Variants in FUT8 observed in about 807,000 individuals in gnomAD.
The protein encoded by FUT8 is alpha-(1,6)-fucosyltransferase.
A neutral mutation model predicts 71.3 loss-of-function variants in FUT8; 29 were observed. The ratio of observed to expected loss-of-function variants is 0.41; its 90% CI spans 0.30 to 0.55. The LOEUF is 0.55. Ranked by LOEUF, FUT8 falls within the 20% of genes least tolerant of loss-of-function variation. The probability of loss-of-function intolerance (pLI) is 0.34; values close to 1 mark genes in which losing one functional copy is unlikely to be tolerated. For synonymous variants in FUT8, 254 were observed against 239.3 expected, an observed-to-expected ratio of 1.06 and a Z score of -0.57; for missense variants, 544 against 702.1, an observed-to-expected ratio of 0.77 and a Z score of 2.55.
chr14:65,393,394 G>A, the FUT8 span, among the ~76,000 whole-genome samples: 1 of 152,222 alleles, frequency 6.6e-6, no homozygotes, highest in East Asian at 1.9e-4. Context: ...TGTAGACTAG[G>A]AGGATGTGAG....
At chr14:65,722,229 T>A (rs1895456293) in intron 8 of FUT8, among the ~76,000 whole-genome samples, 1 of 152,188 alleles carries the variant, frequency 6.6e-6, no homozygotes, top group African/African-American at 2.4e-5. Context: ...TTAGTAGTGC[T>A]CTATTACTGT....
chr14:65,492,250 G>C (rs1237632404), intron 2 of FUT8, among the ~76,000 whole-genome samples: 1 of 152,158 alleles, frequency 6.6e-6, no homozygotes, highest in Non-Finnish European at 1.5e-5. Flanking sequence ...GTTAAATCAA[G>C]TTTAGCCGAA....
rs576450728 is a variant in FUT8 at position 65,742,042 on chromosome 14, G to A, written c.1411-51G>A. 5.4e-6 allele frequency: 8 copies of A among 1,487,576 alleles called. No homozygotes were observed. In the South Asian group the frequency reaches 7.5e-5, roughly 14 times the overall value. 92.1% of individuals were successfully genotyped at this position (1,487,576 alleles called of 1,614,324 possible). A position where few individuals can be genotyped will look rare whatever the true frequency, so the allele number is the denominator to read the frequency against. ...TTTGGCCAAGGGCTTTTAGATTGCT[G>A]TGAAGGAGAGTGTTTATATACTAAC... On this transcript the variant is annotated intron_variant, in intron 10 of 10. Coordinates refer to ENST00000673929, the MANE Select transcript of FUT8 (RefSeq NM_001371533.1).
intron 2 of FUT8, among the ~76,000 whole-genome samples, chr14:65,491,396 G>A (rs367572003): frequency 3.9e-5 from 6 of 152,218 alleles, no homozygotes. Context: ...TTGAATGTCA[G>A]CTAATGTTGA....
At chr14:65,503,843 A>T (rs993664372) in intron 2 of FUT8, among the ~76,000 whole-genome samples, 8 of 152,226 alleles carry the variant, frequency 5.3e-5, no homozygotes, top group Admixed American at 3.3e-4. Flanking sequence ...GGGGATTCCT[A>T]CAGATGGGTG....
intron 6 of FUT8, among the ~76,000 whole-genome samples, chr14:65,658,191 CAAAT>C (rs1412927049): frequency 2.6e-5 from 4 of 151,868 alleles, no homozygotes; most frequent in Admixed American, 6.6e-5. Flanking sequence ...ATACAGATGA[CAAAT>C]AAGCACATGA....
the FUT8 span, among the ~76,000 whole-genome samples, chr14:65,386,369 T>G: frequency 6.6e-6 from 1 of 151,268 alleles, no homozygotes; most frequent in African/African-American, 2.4e-5. Context: ...CTGGGCATGG[T>G]GGTGTGCGCC....
intron 3 of FUT8, among the ~76,000 whole-genome samples, chr14:65,586,087 A>C (rs1887363511): frequency 6.6e-6 from 1 of 152,242 alleles, no homozygotes; most frequent in Non-Finnish European, 1.5e-5. Flanking sequence ...TCAAAATAAT[A>C]AAGACACTTT....
intron 2 of FUT8, among the ~76,000 whole-genome samples, chr14:65,515,054 A>T (rs577961333): frequency 1.4e-4 from 22 of 152,204 alleles, no homozygotes; most frequent in African/African-American, 5.3e-4. Context: ...GTCTTTCCAA[A>T]CCTCATTTTT....
Position 65,677,162 on chromosome 14 carries a change from A to ACG in FUT8, c.835+7682_835+7683insCG, listed in dbSNP as rs1555383298. 2.1e-3 allele frequency among the ~76,000 whole-genome samples: 57 copies of ACG among 27,246 alleles called. 1 individual carries two copies. The highest frequency in any genetic ancestry group is 0.014 in the Middle Eastern group (1 of 72). The allele number at this position is 27,246 out of a possible 152,430, so 17.9% of individuals were successfully genotyped here. ...TGTGTGTGTGTGTGTGCGCGCGCGC[A>ACG]TGCGCGCGCACGTATGTGTGTGCGC... On this transcript the variant is annotated intron_variant, in intron 7 of 10. Transcript: ENST00000673929.
intron 2 of FUT8, among the ~76,000 whole-genome samples, chr14:65,519,965 G>T (rs1049783371): frequency 6.6e-5 from 10 of 152,110 alleles, no homozygotes; most frequent in Non-Finnish European, 1.5e-4. Context: ...TTTTTGTAGA[G>T]GCCGGGTTTT....
intron 3 of FUT8, among the ~76,000 whole-genome samples, chr14:65,589,439 A>AT (rs1887563081): frequency 1.1e-5 from 1 of 92,618 alleles, no homozygotes; most frequent in African/African-American, 4.0e-5. Flanking sequence ...CTTGCCTTAA[A>AT]TCTTTTTTTT....
At position 65,412,865 on chromosome 14, in the gene FUT8, C is replaced by T. The variant is rs1229445339; in HGVS notation, c.-675C>T. 1.3e-5 allele frequency: 2 copies of T among 157,802 alleles called. No homozygotes were observed. Among genetic ancestry groups the T allele is most frequent in the African/African-American group, 4.8e-5 (2 of 41,474 alleles). 9.8% of individuals were successfully genotyped at this position (157,802 alleles called of 1,614,324 possible). A position where few individuals can be genotyped will look rare whatever the true frequency, so the allele number is the denominator to read the frequency against. On this transcript the variant is annotated 5_prime_UTR_variant, in exon 1 of 11. Coordinates refer to ENST00000673929, the MANE Select transcript of FUT8 (RefSeq NM_001371533.1). ...CTCCTCTCCAGGCCCCCTCCCCATCCCACCCCCGCCGCCTGGCCCCAGCCG... is the reference window on the plus strand; with the variant it reads ...CTCCTCTCCAGGCCCCCTCCCCATCTCACCCCCGCCGCCTGGCCCCAGCCG...
At chr14:65,566,608 G>A (rs1362129217) in intron 3 of FUT8, among the ~76,000 whole-genome samples, 1 of 151,934 alleles carries the variant, frequency 6.6e-6, no homozygotes, top group Non-Finnish European at 1.5e-5. Context: ...CCAGATTGGA[G>A]TTAAGATATT....
chr14:65,518,552 G>C (rs992905995), intron 2 of FUT8, among the ~76,000 whole-genome samples: 1 of 152,102 alleles, frequency 6.6e-6, no homozygotes, highest in Non-Finnish European at 1.5e-5. Context: ...TTATGAGACA[G>C]TCTCACTCTG....
chr14:65,538,642 G>A (rs1361138054), intron 2 of FUT8, among the ~76,000 whole-genome samples: 7 of 152,120 alleles, frequency 4.6e-5, no homozygotes, highest in African/African-American at 7.2e-5. Flanking sequence ...CTTCTAGGCC[G>A]GGAATGGTGG....
chr14:65,544,655 G>A (rs1884880164), intron 2 of FUT8, among the ~76,000 whole-genome samples: 1 of 152,184 alleles, frequency 6.6e-6, no homozygotes, highest in East Asian at 1.9e-4. Context: ...AGGTGAGTGA[G>A]ATATTCTTGA....
intron 2 of FUT8, among the ~76,000 whole-genome samples, chr14:65,459,798 G>A (rs550884611): frequency 1.8e-4 from 27 of 152,066 alleles, no homozygotes; most frequent in African/African-American, 6.5e-4. Flanking sequence ...CCAGGCCTTG[G>A]AAATTATTGA....
At chr14:65,594,930 T>C (rs553577246) in intron 3 of FUT8, among the ~76,000 whole-genome samples, 6 of 152,132 alleles carry the variant, frequency 3.9e-5, no homozygotes, top group Non-Finnish European at 7.4e-5. Context: ...CAGCATTCGA[T>C]TGGTAAAAAG....
Sources: gnomAD v4.1 joint callset for allele counts (sites outside exome capture counted in the v4.1 genomes callset) on GRCh38, gnomAD v4.1.1 for gene constraint, MANE v1.5 for transcripts, NCBI Gene and HGNC (gene_info 2026-07-23, HGNC 2026-07-21) for gene names.